TNFRSF19: variants seen among roughly 807,000 people sequenced by gnomAD.
The protein encoded by TNFRSF19 is tumor necrosis factor receptor superfamily member 19.
Under a neutral mutation model 46.4 loss-of-function variants are expected in TNFRSF19, and 27 were observed. That is an observed-to-expected ratio of 0.58 (90% CI 0.43 to 0.80). The LOEUF is 0.80. TNFRSF19 is among the 30% of genes least tolerant of loss of function. The pLI, the probability that TNFRSF19 is intolerant of heterozygous loss-of-function variation, is 0.00. For synonymous variants in TNFRSF19, 204 were observed against 205.0 expected (o/e 1.00, Z 0.04); for missense variants, 511 against 530.8 (o/e 0.96, Z 0.37).
intron 9 of TNFRSF19, 129 bp downstream of exon 9, chr13:23,669,226 T>G: frequency 7.0e-7 from 1 of 1,420,570 alleles, no homozygotes; most frequent in Non-Finnish European, 9.1e-7. Context: ...TTCTTGTATG[T>G]TGTAGAGTAT....
intron 3 of TNFRSF19, among the ~76,000 whole-genome samples, chr13:23,613,274 C>A (rs2138247622): frequency 6.6e-6 from 1 of 152,288 alleles, no homozygotes; most frequent in South Asian, 2.1e-4. Flanking sequence ...TATATGCATT[C>A]CCATTTATTC....
In TNFRSF19 at chr13:23,596,946, A is replaced by G. The variant is rs76419931; in HGVS notation, c.180+3491A>G. Reference sequence around the variant, plus strand: ...ATTAGAACTCAGGATTGAGAAACTCACTCAAAGCCGCACAACTACATGGAA... The same window carrying G: ...ATTAGAACTCAGGATTGAGAAACTCGCTCAAAGCCGCACAACTACATGGAA... On this transcript the variant is annotated intron_variant, in intron 3 of 9. Transcript: ENST00000248484. Among the ~76,000 whole-genome samples the G allele has an allele frequency of 4.6e-3, 704 of 152,328 alleles. 6 individuals carry two copies. The highest frequency in any genetic ancestry group is 0.016 in the African/African-American group (658 of 41,566).
chr13:23,666,157 G>C (rs535182987), intron 7 of TNFRSF19, among the ~76,000 whole-genome samples: 13 of 152,262 alleles, frequency 8.5e-5, no homozygotes, highest in East Asian at 1.9e-4. Flanking sequence ...CTTCGTTAAG[G>C]GGGTGTCTGC....
intron 5 of TNFRSF19, among the ~76,000 whole-genome samples, chr13:23,649,047 G>T (rs1038912637): frequency 6.6e-6 from 1 of 152,068 alleles, no homozygotes; most frequent in African/African-American, 2.4e-5. Context: ...TTCCCTCATG[G>T]CAGCTTTATC....
intron 4 of TNFRSF19, among the ~76,000 whole-genome samples, chr13:23,625,438 C>T (rs1291685508): frequency 1.3e-5 from 2 of 150,010 alleles, no homozygotes; most frequent in African/African-American, 4.9e-5. Flanking sequence ...ACGCCATTCT[C>T]CTGCCTCAGC....
intron 3 of TNFRSF19, among the ~76,000 whole-genome samples, chr13:23,609,347 T>A (rs1484751734): frequency 6.6e-6 from 1 of 152,202 alleles, no homozygotes; most frequent in Non-Finnish European, 1.5e-5. Flanking sequence ...TGAGGGTTAC[T>A]CGGCCATCAG....
chr13:23,594,456 T>C (rs943927111), intron 3 of TNFRSF19: 3 of 239,748 alleles, frequency 1.3e-5, no homozygotes, highest in Non-Finnish European at 2.6e-5. Flanking sequence ...GAGTAGGTGG[T>C]TTTCCCCTCA....
chr13:23,655,228 C>A (rs186977625), intron 5 of TNFRSF19, among the ~76,000 whole-genome samples: 172 of 152,248 alleles, frequency 1.1e-3, no homozygotes, highest in Non-Finnish European at 1.3e-3. Context: ...TCGTAATAGA[C>A]ACTCAGGACA....
chr13:23,577,015 T>C (rs1878002212), intron 1 of TNFRSF19, among the ~76,000 whole-genome samples: 2 of 152,248 alleles, frequency 1.3e-5, no homozygotes, highest in East Asian at 1.9e-4. Context: ...ATTTAGTAAG[T>C]GCTAGGCATT....
At chr13:23,582,101 C>T (rs1446749508) in intron 1 of TNFRSF19, among the ~76,000 whole-genome samples, 1 of 152,038 alleles carries the variant, frequency 6.6e-6, no homozygotes, top group Non-Finnish European at 1.5e-5. Flanking sequence ...ACAGGCTTGG[C>T]CGGGCACGGT....
chr13:23,579,433 T>G (rs1593226000), intron 1 of TNFRSF19: 1 of 151,364 alleles, frequency 6.6e-6, no homozygotes, highest in East Asian at 2.0e-4. Context: ...TGGACCCCCA[T>G]GCAACCCCGC....
At chr13:23,654,621 TAAAC>T (rs772015550) in intron 5 of TNFRSF19, among the ~76,000 whole-genome samples, 3 of 152,172 alleles carry the variant, frequency 2.0e-5, no homozygotes, top group Non-Finnish European at 4.4e-5. Context: ...GGCCCTTACA[TAAAC>T]AAACATGAGC....
intron 5 of TNFRSF19, among the ~76,000 whole-genome samples, chr13:23,654,001 C>T (rs1243394262): frequency 1.3e-5 from 2 of 151,964 alleles, no homozygotes; most frequent in Non-Finnish European, 2.9e-5. Context: ...TTGGTGTCTG[C>T]GTGAGGAGCT....
rs144804364 is a variant in TNFRSF19, at chr13:23,647,408, A to G, written c.446-11642A>G. 5.0e-3 allele frequency among the ~76,000 whole-genome samples: 761 copies of G among 152,108 alleles called. 10 individuals carry two copies. The highest frequency in any genetic ancestry group is 0.016 in the African/African-American group (673 of 41,522). ...TGTCTTTTTCTAAGATTATTTATTTATTGATTTATTTAGAGATGGAGTCTT... is the reference window on the plus strand; with the variant it reads ...TGTCTTTTTCTAAGATTATTTATTTGTTGATTTATTTAGAGATGGAGTCTT... On this transcript the variant is annotated intron_variant, in intron 5 of 9. Transcript: ENST00000248484.
At chr13:23,595,200 C>G (rs1398650929) in intron 3 of TNFRSF19, among the ~76,000 whole-genome samples, 1 of 152,216 alleles carries the variant, frequency 6.6e-6, no homozygotes, top group Admixed American at 6.5e-5. Flanking sequence ...AACATCTCTT[C>G]TCCTCCAAAG....
At chr13:23,601,064 A>G (rs1312347875) in intron 3 of TNFRSF19, among the ~76,000 whole-genome samples, 1 of 152,242 alleles carries the variant, frequency 6.6e-6, no homozygotes, top group Non-Finnish European at 1.5e-5. Context: ...AATCAGGGAA[A>G]GGAACAGAAG....
chr13:23,651,667 A>G (rs1365708397), intron 5 of TNFRSF19, among the ~76,000 whole-genome samples: 1 of 152,136 alleles, frequency 6.6e-6, no homozygotes, highest in African/African-American at 2.4e-5. Flanking sequence ...GTTGTTTTTT[A>G]CTGCAATAAA....
At position 23,576,492 on chromosome 13, in the gene TNFRSF19, C is replaced by T. The variant is rs561078302; in HGVS notation, c.-35+5644C>T. Among the ~76,000 whole-genome samples, 39 of 152,240 alleles carry T rather than the reference C, an allele frequency of 2.6e-4. No individual in the cohort carries two copies. The South Asian group carries it at 7.7e-3, about 30-fold the overall frequency. On this transcript the variant is annotated intron_variant, in intron 1 of 9. Transcript: ENST00000248484. ...TTGTGTGCCTGAGTTTTTGTTCAGACACTGTCTCCAAATCATACAACACTC... is the reference window on the plus strand; with the variant it reads ...TTGTGTGCCTGAGTTTTTGTTCAGATACTGTCTCCAAATCATACAACACTC...
chr13:23,657,599 AT>A (rs1172542181), intron 5 of TNFRSF19, among the ~76,000 whole-genome samples: 8 of 152,308 alleles, frequency 5.3e-5, no homozygotes, highest in African/African-American at 1.7e-4. Flanking sequence ...GTCATAAATA[AT>A]TTTTATATTG....
Sources: allele counts gnomAD v4.1 joint callset (sites outside exome capture counted in the v4.1 genomes callset), GRCh38; gene constraint gnomAD v4.1.1; transcripts MANE v1.5; gene names NCBI Gene and HGNC (gene_info 2026-07-23, HGNC 2026-07-21).